Variants in CADM2 observed in about 807,000 individuals in gnomAD.
CADM2 encodes the protein immunoglobulin superfamily member 4D.
CADM2 carries 12 observed loss-of-function variants against 49.8 expected under a neutral mutation model. That is an observed-to-expected ratio of 0.24 (90% CI 0.15 to 0.39). CADM2 has a LOEUF of 0.39. Among genes scored for constraint, CADM2 ranks in the 10% least tolerant of loss-of-function variants. CADM2 has a pLI of 1.00. For missense variants in CADM2, 378 were observed against 492.3 expected, an observed-to-expected ratio of 0.77 and a Z score of 2.20; for synonymous variants, 214 against 175.4, an observed-to-expected ratio of 1.22 and a Z score of -1.74.
At chr3:86,020,256 C>G (rs13063926) in intron 8 of CADM2, among the ~76,000 whole-genome samples, 33,625 of 150,194 alleles carry the variant, frequency 0.22, 4,027 homozygotes, top group East Asian at 0.32. Flanking sequence ...ATAAATTCCT[C>G]GACACATACA....
intron 1 of CADM2, among the ~76,000 whole-genome samples, chr3:85,048,467 T>G (rs2035752060): frequency 6.6e-6 from 1 of 152,132 alleles, no homozygotes; most frequent in South Asian, 2.1e-4. Flanking sequence ...ATTACAGCTG[T>G]AACCAAGAAA....
intron 1 of CADM2, among the ~76,000 whole-genome samples, chr3:85,716,972 T>C (rs1397276969): frequency 6.6e-6 from 1 of 152,180 alleles, no homozygotes; most frequent in Non-Finnish European, 1.5e-5. Flanking sequence ...TTGTCTTGGC[T>C]ATATGGGCTC....
chr3:84,968,233 A>G (rs2031160055), intron 1 of CADM2, among the ~76,000 whole-genome samples: 1 of 151,936 alleles, frequency 6.6e-6, no homozygotes, highest in African/African-American at 2.4e-5. Flanking sequence ...CAACTTTTCT[A>G]TAGCTTCCAC....
chr3:85,851,852 C>T (rs771732718), intron 3 of CADM2, among the ~76,000 whole-genome samples: 15 of 151,800 alleles, frequency 9.9e-5, no homozygotes, highest in Admixed American at 2.6e-4. Context: ...TCTTGAACAA[C>T]TTAGGTGATG....
At chr3:85,683,783 A>G (rs1460453333) in intron 1 of CADM2, among the ~76,000 whole-genome samples, 2 of 152,212 alleles carry the variant, frequency 1.3e-5, no homozygotes, top group Admixed American at 6.5e-5. Context: ...CAAACAGTGG[A>G]AAAGTTAGCA....
At chr3:85,095,551 A>G (rs2037763115) in intron 1 of CADM2, among the ~76,000 whole-genome samples, 1 of 152,180 alleles carries the variant, frequency 6.6e-6, no homozygotes, top group Non-Finnish European at 1.5e-5. Flanking sequence ...ATTACTAGGT[A>G]TTGTGGGGGA....
intron 1 of CADM2, among the ~76,000 whole-genome samples, chr3:85,062,102 A>G (rs1358537938): frequency 6.6e-6 from 1 of 150,644 alleles, no homozygotes; most frequent in South Asian, 2.1e-4. Flanking sequence ...ACACACACAC[A>G]CAAACACACA....
intron 1 of CADM2, among the ~76,000 whole-genome samples, chr3:85,505,723 TATCATA>T: frequency 6.6e-6 from 1 of 152,234 alleles, no homozygotes. Flanking sequence ...ATGACAGGAG[TATCATA>T]AAGACAAGTA....
At chr3:85,745,024 G>A (rs904215117) in intron 2 of CADM2, among the ~76,000 whole-genome samples, 8 of 152,242 alleles carry the variant, frequency 5.3e-5, no homozygotes, top group African/African-American at 1.4e-4. Flanking sequence ...CTAGTGTGGC[G>A]TTGGTGAGAA....
At chr3:85,585,549 T>TA (rs944027160) in intron 1 of CADM2, among the ~76,000 whole-genome samples, 1 of 151,912 alleles carries the variant, frequency 6.6e-6, no homozygotes, top group Non-Finnish European at 1.5e-5. Flanking sequence ...AATGTTTGTA[T>TA]AAAAAAACAT....
At chr3:85,324,426 C>T (rs2044695097) in intron 1 of CADM2, among the ~76,000 whole-genome samples, 1 of 152,062 alleles carries the variant, frequency 6.6e-6, no homozygotes, top group African/African-American at 2.4e-5. Context: ...AAGTATACTC[C>T]TATTGAATTT....
At chr3:85,367,489 C>T (rs2032870591) in intron 1 of CADM2, among the ~76,000 whole-genome samples, 1 of 151,522 alleles carries the variant, frequency 6.6e-6, no homozygotes, top group Non-Finnish European at 1.5e-5. Context: ...ATCAAAAAGT[C>T]CTTGAGTGGT....
chr3:85,755,528 C>A (rs2069072665), intron 2 of CADM2, among the ~76,000 whole-genome samples: 2 of 152,212 alleles, frequency 1.3e-5, no homozygotes, highest in Non-Finnish European at 1.5e-5. Context: ...GTAGTCCATT[C>A]TTGCACTACT....
intron 8 of CADM2, among the ~76,000 whole-genome samples, chr3:86,048,878 A>G (rs1271606268): frequency 6.6e-6 from 1 of 152,218 alleles, no homozygotes; most frequent in Admixed American, 6.5e-5. Flanking sequence ...AGTGATCAAC[A>G]AAGGCAACAT....
intron 1 of CADM2, among the ~76,000 whole-genome samples, chr3:85,177,708 C>A (rs2040821732): frequency 6.6e-6 from 1 of 151,514 alleles, no homozygotes; most frequent in African/African-American, 2.4e-5. Context: ...GTAAAATAAC[C>A]CAAGGTAAAA....
At chr3:85,944,815 A>C (rs1437437895) in intron 7 of CADM2, among the ~76,000 whole-genome samples, 1 of 152,134 alleles carries the variant, frequency 6.6e-6, no homozygotes. Flanking sequence ...AAGGCCCACA[A>C]GACAAAGTAG....
Position 84,972,672 on chromosome 3 carries a change from T to A in CADM2, c.61+13004T>A, listed in dbSNP as rs1467100450. Among the ~76,000 whole-genome samples, 2 of 152,198 alleles carry A rather than the reference T, an allele frequency of 1.3e-5. 1 individual carries two copies. Reference sequence around the variant, plus strand: ...CTGTGCATTTCATGTACATTAAAAATTTTCTGTGGTCATTTTATTCTTCAT... The same window carrying A: ...CTGTGCATTTCATGTACATTAAAAAATTTCTGTGGTCATTTTATTCTTCAT... On this transcript the variant is annotated intron_variant, in intron 1 of 9. Coordinates refer to ENST00000383699, the MANE Select transcript of CADM2 (RefSeq NM_001167675.2).
intron 2 of CADM2, among the ~76,000 whole-genome samples, chr3:85,796,570 C>T (rs1159053389): frequency 6.6e-6 from 1 of 152,092 alleles, no homozygotes; most frequent in Non-Finnish European, 1.5e-5. Context: ...GAGACAAAGC[C>T]TCTGATATCA....
At chr3:85,273,471 G>T (rs2043288924) in intron 1 of CADM2, among the ~76,000 whole-genome samples, 1 of 151,332 alleles carries the variant, frequency 6.6e-6, no homozygotes, top group African/African-American at 2.4e-5. Flanking sequence ...CAGCATAATT[G>T]CAGTGGAGGC....
Sources: gnomAD v4.1 joint callset for allele counts (sites outside exome capture counted in the v4.1 genomes callset) on GRCh38, gnomAD v4.1.1 for gene constraint, MANE v1.5 for transcripts, NCBI Gene and HGNC (gene_info 2026-07-23, HGNC 2026-07-21) for gene names.